The following ATF7 variants were observed in gnomAD, a reference collection of about 807,000 sequenced individuals.
ATF7 encodes activating transcription factor 7.
Under a neutral mutation model 50.4 loss-of-function variants are expected in ATF7, and 10 were observed. The observed-to-expected ratio is 0.20, with a 90% CI of 0.12 to 0.34. The LOEUF is 0.34. Among genes scored for constraint, ATF7 ranks in the 10% least tolerant of loss-of-function variants. The probability of loss-of-function intolerance (pLI) is 1.00; values close to 1 mark genes in which losing one functional copy is unlikely to be tolerated. For missense variants in ATF7, 465 were observed against 613.9 expected (o/e 0.76, Z 2.56); for synonymous variants, 201 against 226.4 (o/e 0.89, Z 1.01).
chr12:53,534,718 T>C, intron 5 of ATF7, 59 bp from the exon 6 acceptor site: 2 of 1,539,876 alleles, frequency 1.3e-6, no homozygotes, highest in African/African-American at 1.4e-5. Context: ...TAGGGAAATA[T>C]ATAGATGGTA....
chr12:53,538,650 C>A (rs1050134422), intron 4 of ATF7, among the ~76,000 whole-genome samples: 1 of 152,112 alleles, frequency 6.6e-6, no homozygotes, highest in Non-Finnish European at 1.5e-5. Context: ...CATTGCAGTT[C>A]AGTTTCATAA....
chr12:53,597,672 G>T (rs1030414632), intron 2 of ATF7, among the ~76,000 whole-genome samples: 4 of 152,056 alleles, frequency 2.6e-5, no homozygotes, highest in African/African-American at 9.7e-5. Flanking sequence ...AGCTGGGTGT[G>T]GTGGCGGGTG....
intron 2 of ATF7, among the ~76,000 whole-genome samples, chr12:53,565,493 CG>C (rs1414405342): frequency 5.1e-4 from 2 of 3,908 alleles, no homozygotes; most frequent in Non-Finnish European, 1.9e-3. Context: ...TGGGCGGGGG[CG>C]GGGGGGAGGG....
intron 1 of ATF7, 128 bp from the exon 2 acceptor site, chr12:53,601,149 C>T (rs1455459942): frequency 3.0e-6 from 2 of 672,990 alleles, no homozygotes; most frequent in African/African-American, 1.8e-5. Flanking sequence ...AAGTTGTAAA[C>T]ACAGGCTACT....
intron 6 of ATF7, among the ~76,000 whole-genome samples, 154 bp from the exon 7 acceptor site, chr12:53,533,413 C>A (rs1393890963): frequency 2.0e-5 from 3 of 152,188 alleles, no homozygotes; most frequent in Admixed American, 2.0e-4. Flanking sequence ...GGTGAGAAGG[C>A]AGGGAATCCT....
intron 1 of ATF7, among the ~76,000 whole-genome samples, chr12:53,618,261 T>C (rs1375781293): frequency 6.6e-6 from 1 of 152,230 alleles, no homozygotes; most frequent in African/African-American, 2.4e-5. Flanking sequence ...CTTCTATTTA[T>C]GAAAGTTCTG....
chr12:53,563,177 T>C (rs67593388), intron 2 of ATF7, among the ~76,000 whole-genome samples: 17,348 of 152,206 alleles, frequency 0.11, 1,083 homozygotes, highest in Admixed American at 0.19. Context: ...TGAAATCCAA[T>C]AGCTTTTTGA....
At chr12:53,571,578 G>T (rs1031037159) in intron 2 of ATF7, among the ~76,000 whole-genome samples, 4 of 150,860 alleles carry the variant, frequency 2.7e-5, no homozygotes, top group Non-Finnish European at 5.9e-5. Flanking sequence ...GAGAAGGGAG[G>T]ATCATTTGAG....
At chr12:53,533,120 C>A in intron 7 of ATF7, 40 bp downstream of exon 7, 1 of 1,517,236 alleles carries the variant, frequency 6.6e-7, no homozygotes. Context: ...GGAAGGATTA[C>A]CATGTTGGTA....
At position 53,512,839 on chromosome 12, in the gene ATF7, A is replaced by C. The variant is rs11830766; in HGVS notation, c.*4298T>G. The C allele has an allele frequency of 8.8e-3, 1,342 of 152,316 alleles. 21 individuals are homozygous for C. The highest frequency in any genetic ancestry group is 0.031 in the African/African-American group (1,296 of 41,566). The allele number at this position is 152,316 out of a possible 1,614,324, so 9.4% of individuals were successfully genotyped here. ...TGAAATATCCTCCACACCTGTAAAAATTTCCCAGCTTATCCCTAAGAAATG... is the reference window on the plus strand; with the variant it reads ...TGAAATATCCTCCACACCTGTAAAACTTTCCCAGCTTATCCCTAAGAAATG... On this transcript the variant is annotated 3_prime_UTR_variant, in exon 12 of 12. Coordinates refer to ENST00000420353, the MANE Select transcript of ATF7 (RefSeq NM_006856.3).
chr12:53,558,244 G>A (rs1940869632), intron 2 of ATF7, among the ~76,000 whole-genome samples: 1 of 152,226 alleles, frequency 6.6e-6, no homozygotes, highest in Admixed American at 6.5e-5. Context: ...ACAACTGGGA[G>A]GATGCTACTG....
chr12:53,570,068 C>G (rs1402300534), intron 2 of ATF7, among the ~76,000 whole-genome samples: 2 of 152,152 alleles, frequency 1.3e-5, no homozygotes, highest in Non-Finnish European at 2.9e-5. Flanking sequence ...TTCTGGAAAC[C>G]TGACCTCAGG....
intron 2 of ATF7, among the ~76,000 whole-genome samples, chr12:53,558,534 A>G (rs553799151): frequency 6.6e-6 from 1 of 152,364 alleles, no homozygotes; most frequent in South Asian, 2.1e-4. Context: ...GATGGACTCC[A>G]GATCTGCAAA....
At chr12:53,591,457 A>G (rs1288130928) in intron 2 of ATF7, among the ~76,000 whole-genome samples, 3 of 152,194 alleles carry the variant, frequency 2.0e-5, no homozygotes, top group African/African-American at 7.2e-5. Context: ...TCCCTCACAG[A>G]AAGAGAACAG....
intron 4 of ATF7, 57 bp from the exon 5 acceptor site, chr12:53,537,609 C>G (rs953286069): frequency 2.2e-5 from 34 of 1,579,136 alleles, no homozygotes; most frequent in Non-Finnish European, 6.9e-6. Context: ...CAGGTTGAAT[C>G]TATATTTTCC....
intron 2 of ATF7, among the ~76,000 whole-genome samples, chr12:53,599,178 C>T (rs1249465562): frequency 3.3e-5 from 5 of 152,006 alleles, no homozygotes; most frequent in Non-Finnish European, 7.4e-5. Flanking sequence ...GGACTACAGG[C>T]GTGTGCCACC....
At chr12:53,537,361 T>A (rs563241546) in intron 5 of ATF7, 54 bp downstream of exon 5, 1 of 1,599,606 alleles carries the variant, frequency 6.3e-7, no homozygotes, top group South Asian at 1.1e-5. Context: ...ATATAATTAA[T>A]GAATCAAAAC....
intron 2 of ATF7, among the ~76,000 whole-genome samples, chr12:53,599,587 T>C (rs1943302123): frequency 6.6e-6 from 1 of 152,102 alleles, no homozygotes; most frequent in Non-Finnish European, 1.5e-5. Context: ...TGATGCCTTT[T>C]TTGGTCTTTT....
At position 53,524,979 on chromosome 12, in the gene ATF7, A is replaced by C. The variant is rs1235185891; in HGVS notation, c.928-218T>G. ...AGTCTTCTCAGTCTCATACTTAGACAAACTACAGTTCATTTGGAAACTCTG... is the reference window on the plus strand; with the variant it reads ...AGTCTTCTCAGTCTCATACTTAGACCAACTACAGTTCATTTGGAAACTCTG... On this transcript the variant is annotated intron_variant, in intron 9 of 11. Transcript: ENST00000420353. The surrounding 1 kb of genome is among the most constrained non-coding windows in gnomAD (Gnocchi z 4.6). 2.0e-6 allele frequency: 1 copy of C among 493,882 alleles called. No homozygotes were observed. The highest frequency in any genetic ancestry group is 3.5e-6 in the Non-Finnish European group (1 of 282,160). The allele number at this position is 493,882 out of a possible 1,614,324, so 30.6% of individuals were successfully genotyped here. A position where few individuals can be genotyped will look rare whatever the true frequency, so the allele number is the denominator to read the frequency against.
Sources: gnomAD v4.1 joint callset for allele counts (sites outside exome capture counted in the v4.1 genomes callset) on GRCh38, gnomAD v4.1.1 for gene constraint, Gnocchi (gnomAD v3.1) non-coding constraint, MANE v1.5 for transcripts, NCBI Gene and HGNC (gene_info 2026-07-23, HGNC 2026-07-21) for gene names.